Variants in CPPED1 observed in about 807,000 individuals in gnomAD.
CPPED1 encodes serine/threonine-protein phosphatase CPPED1.
In CPPED1, 28 loss-of-function variants were observed where a neutral mutation model predicts 28.0. The ratio of observed to expected loss-of-function variants is 1.00; its 90% CI spans 0.74 to 1.37. The LOEUF (loss-of-function observed/expected upper bound fraction) is 1.37. Among genes scored for constraint, CPPED1 ranks in the 40% most tolerant of loss-of-function variants. The pLI, the probability that CPPED1 is intolerant of heterozygous loss-of-function variation, is 0.00. For missense variants in CPPED1, 504 were observed against 416.5 expected (o/e 1.21, Z -1.83); for synonymous variants, 198 against 180.2 (o/e 1.10, Z -0.79).
chr16:12,739,735 C>T (rs963197092), intron 2 of CPPED1, among the ~76,000 whole-genome samples: 2 of 152,168 alleles, frequency 1.3e-5, no homozygotes, highest in Non-Finnish European at 2.9e-5. Context: ...TCGCAGCCTC[C>T]TCTCTAGTTA....
intron 2 of CPPED1, among the ~76,000 whole-genome samples, chr16:12,772,117 T>C (rs2080473674): frequency 6.6e-6 from 1 of 152,004 alleles, no homozygotes; most frequent in African/African-American, 2.4e-5. Flanking sequence ...AACAAGACTC[T>C]GTCTGAAAAA....
At chr16:12,699,682 T>C (rs777825802) in intron 3 of CPPED1, among the ~76,000 whole-genome samples, 2 of 152,146 alleles carry the variant, frequency 1.3e-5, no homozygotes, top group Non-Finnish European at 2.9e-5. Context: ...ACAATTATCA[T>C]AATTAAAAGT....
At chr16:12,752,615 T>C (rs541209800) in intron 2 of CPPED1, among the ~76,000 whole-genome samples, 1 of 147,512 alleles carries the variant, frequency 6.8e-6, no homozygotes, top group Non-Finnish European at 1.5e-5. Context: ...ATATATAGTA[T>C]ATATATTTAT....
At chr16:12,686,801 T>A (rs2079935739) in intron 3 of CPPED1, among the ~76,000 whole-genome samples, 1 of 152,142 alleles carries the variant, frequency 6.6e-6, no homozygotes, top group African/African-American at 2.4e-5. Context: ...GACAATCTCT[T>A]CCTCCCTTTG....
intron 2 of CPPED1, among the ~76,000 whole-genome samples, chr16:12,715,651 C>A (rs1348749213): frequency 6.6e-6 from 1 of 152,138 alleles, no homozygotes; most frequent in South Asian, 2.1e-4. Context: ...CAGAGCGAGA[C>A]TCCATCTCAA....
intron 1 of CPPED1, among the ~76,000 whole-genome samples, chr16:12,783,514 A>T (rs1000257947): frequency 1.6e-5 from 2 of 124,336 alleles, no homozygotes; most frequent in Non-Finnish European, 3.5e-5. Flanking sequence ...AATAAATTAA[A>T]TAAATAAATA....
At chr16:12,739,944 C>CGACACTGGTCATGACAGTGT (rs1251453044) in intron 2 of CPPED1, among the ~76,000 whole-genome samples, 14 of 151,724 alleles carry the variant, frequency 9.2e-5, no homozygotes, top group Non-Finnish European at 2.1e-4. Flanking sequence ...TTGGCAGAGA[C>CGACACTGGTCATGACAGTGT]ACTGGTCATG....
At chr16:12,773,646 G>A (rs945537659) in intron 2 of CPPED1, among the ~76,000 whole-genome samples, 2 of 152,118 alleles carry the variant, frequency 1.3e-5, no homozygotes, top group African/African-American at 2.4e-5. Context: ...GCTTGAACCC[G>A]GGAGGTGGAG....
rs558299526 is a variant in CPPED1 at position 12,764,757 on chromosome 16, G to A, written c.289+16428C>T. Among the ~76,000 whole-genome samples the A allele has an allele frequency of 2.6e-5, 4 of 152,272 alleles. No individual in the cohort carries two copies. The South Asian group carries it at 6.2e-4, about 24-fold the overall frequency. Reference sequence around the variant, plus strand: ...CCCTCTTGGGTATCACAGGCTCAGAGCCACCATTTTGTTTTATTTGTACCT... The same window carrying A: ...CCCTCTTGGGTATCACAGGCTCAGAACCACCATTTTGTTTTATTTGTACCT... On this transcript the variant is annotated intron_variant, in intron 2 of 3. Coordinates refer to ENST00000381774, the MANE Select transcript of CPPED1 (RefSeq NM_018340.3).
At chr16:12,786,061 A>T (rs2080561373) in intron 1 of CPPED1, among the ~76,000 whole-genome samples, 1 of 152,204 alleles carries the variant, frequency 6.6e-6, no homozygotes, top group African/African-American at 2.4e-5. Flanking sequence ...GAGGAGAACT[A>T]GCCTGGCAAT....
chr16:12,801,186 C>T (rs2080657386), intron 1 of CPPED1, among the ~76,000 whole-genome samples: 1 of 152,184 alleles, frequency 6.6e-6, no homozygotes, highest in Non-Finnish European at 1.5e-5. Context: ...TTCTGCTTCC[C>T]AGGCTCAGGC....
At chr16:12,796,023 C>T (rs2080625581) in intron 1 of CPPED1, among the ~76,000 whole-genome samples, 1 of 151,180 alleles carries the variant, frequency 6.6e-6, no homozygotes, top group Non-Finnish European at 1.5e-5. Context: ...GCAGAGGTTG[C>T]AGTGAGCCAA....
At chr16:12,772,450 T>C (rs2080475427) in intron 2 of CPPED1, among the ~76,000 whole-genome samples, 1 of 152,244 alleles carries the variant, frequency 6.6e-6, no homozygotes. Context: ...CTTCTTTACC[T>C]TGAAGTTCAG....
intron 1 of CPPED1, among the ~76,000 whole-genome samples, chr16:12,788,609 C>T (rs1436781694): frequency 1.3e-5 from 2 of 152,070 alleles, no homozygotes; most frequent in East Asian, 1.9e-4. Flanking sequence ...CTTAGGCATG[C>T]CTCAAGTTCA....
At chr16:12,747,968 A>C (rs1285634579) in intron 2 of CPPED1, among the ~76,000 whole-genome samples, 1 of 152,236 alleles carries the variant, frequency 6.6e-6, no homozygotes, top group African/African-American at 2.4e-5. Context: ...CTCACACCCA[A>C]GAGACTGGTC....
At chr16:12,680,961 A>G (rs2079901587) in intron 3 of CPPED1, among the ~76,000 whole-genome samples, 1 of 152,040 alleles carries the variant, frequency 6.6e-6, no homozygotes, top group Non-Finnish European at 1.5e-5. Context: ...TTATCTTAGG[A>G]TTCATAGCCT....
At position 12,664,729 on chromosome 16, in the gene CPPED1, G is replaced by A; in HGVS notation, c.*157C>T. The A allele has an allele frequency of 8.1e-6, 12 of 1,476,684 alleles. No homozygotes were observed. Among genetic ancestry groups the A allele is most frequent in the Non-Finnish European group, 9.8e-6 (11 of 1,126,904 alleles). The allele number at this position is 1,476,684 out of a possible 1,614,324, so 91.5% of individuals were successfully genotyped here. Reference sequence around the variant, plus strand: ...CAGTTCTATTTTGAATATAATTCAGGACAGGGCCCCAGCTCTCTGATTTAT... The same window carrying A: ...CAGTTCTATTTTGAATATAATTCAGAACAGGGCCCCAGCTCTCTGATTTAT... On this transcript the variant is annotated 3_prime_UTR_variant, in exon 4 of 4. Coordinates refer to ENST00000381774, the MANE Select transcript of CPPED1 (RefSeq NM_018340.3). This position sits in a 1 kb window ranked among gnomAD's most constrained non-coding sequence, Gnocchi z 4.2.
At chr16:12,692,816 T>C (rs1201707898) in intron 3 of CPPED1, among the ~76,000 whole-genome samples, 1 of 152,182 alleles carries the variant, frequency 6.6e-6, no homozygotes, top group East Asian at 1.9e-4. Context: ...GAGAATACTA[T>C]AGTCCCCAGG....
At chr16:12,722,314 G>A (rs1210742575) in intron 2 of CPPED1, among the ~76,000 whole-genome samples, 1 of 152,230 alleles carries the variant, frequency 6.6e-6, no homozygotes, top group East Asian at 1.9e-4. Flanking sequence ...CCTCAGGTAA[G>A]TAGATGCCGA....
Sources: allele counts gnomAD v4.1 joint callset (sites outside exome capture counted in the v4.1 genomes callset), GRCh38; gene constraint gnomAD v4.1.1; non-coding constraint Gnocchi (gnomAD v3.1); transcripts MANE v1.5; gene names NCBI Gene and HGNC (gene_info 2026-07-23, HGNC 2026-07-21).